The following GRIK2 variants were observed in gnomAD, a reference collection of about 807,000 sequenced individuals.
GRIK2 encodes the protein glutamate receptor ionotropic, kainate 2.
A neutral mutation model predicts 100.3 loss-of-function variants in GRIK2; 32 were observed. The observed-to-expected ratio is 0.32, with a 90% CI of 0.24 to 0.43. The LOEUF is 0.43. Among genes scored for constraint, GRIK2 ranks in the 20% least tolerant of loss-of-function variants. The pLI is 1.00. For missense variants in GRIK2, 843 were observed against 1,114.9 expected, an observed-to-expected ratio of 0.76 and a Z score of 3.47; for synonymous variants, 417 against 389.4, an observed-to-expected ratio of 1.07 and a Z score of -0.83.
intron 4 of GRIK2, among the ~76,000 whole-genome samples, chr6:101,663,381 A>T (rs1049440084): frequency 2.6e-5 from 4 of 152,136 alleles, no homozygotes; most frequent in Admixed American, 2.6e-4. Flanking sequence ...ACAGGCGTAC[A>T]TCTGAACAGG....
rs183047825 is a variant in GRIK2 at position 101,710,407 on chromosome 6, G to A, written c.951+24054G>A. Among the ~76,000 whole-genome samples, 183 of 151,946 alleles carry A rather than the reference G, an allele frequency of 1.2e-3. 1 individual carries two copies. The highest frequency in any genetic ancestry group is 4.3e-3 in the African/African-American group (178 of 41,500). Reference sequence around the variant, plus strand: ...GTATACCTCAAAAGGTGATTGTGAAGATCAAATGTGACCATGTTTATGCAA... The same window carrying A: ...GTATACCTCAAAAGGTGATTGTGAAAATCAAATGTGACCATGTTTATGCAA... On this transcript the variant is annotated intron_variant, in intron 7 of 16. Coordinates refer to ENST00000369134, the MANE Select transcript of GRIK2 (RefSeq NM_021956.5).
chr6:101,975,781 GTCTGTCTGTCTGTCTATCTATCTA>G (rs1410393930), intron 14 of GRIK2, among the ~76,000 whole-genome samples: 9 of 110,962 alleles, frequency 8.1e-5, no homozygotes, highest in African/African-American at 3.7e-4. Flanking sequence ...GTGTCTATCT[GTCTGTCTGTCTGTCTATCTATCTA>G]TCTGTCTATC....
chr6:101,596,937 C>T (rs772479154), intron 2 of GRIK2, among the ~76,000 whole-genome samples: 2 of 151,832 alleles, frequency 1.3e-5, no homozygotes, highest in Non-Finnish European at 2.9e-5. Flanking sequence ...GACACATGCA[C>T]TTATATGTTA....
At chr6:101,612,924 A>C (rs1312510492) in intron 2 of GRIK2, among the ~76,000 whole-genome samples, 1 of 151,728 alleles carries the variant, frequency 6.6e-6, no homozygotes, top group Non-Finnish European at 1.5e-5. Context: ...GGAAGGTAGA[A>C]GACAAATTAT....
chr6:101,839,147 T>C (rs746753902), intron 10 of GRIK2, among the ~76,000 whole-genome samples: 24 of 152,162 alleles, frequency 1.6e-4, no homozygotes, highest in Admixed American at 2.6e-4. Flanking sequence ...GCCTACAAAC[T>C]TTTAGCAAGA....
chr6:101,426,385 T>C (rs1776698637), intron 2 of GRIK2, among the ~76,000 whole-genome samples: 1 of 152,182 alleles, frequency 6.6e-6, no homozygotes, highest in Non-Finnish European at 1.5e-5. Flanking sequence ...TTCTTAATTA[T>C]AGTCACCCTG....
At chr6:101,634,325 G>C (rs1780904987) in intron 4 of GRIK2, among the ~76,000 whole-genome samples, 1 of 152,036 alleles carries the variant, frequency 6.6e-6, no homozygotes, top group African/African-American at 2.4e-5. Context: ...CCTAGTTGGG[G>C]ATACTAATCA....
In GRIK2 at chr6:102,055,457, T is replaced by C; in HGVS notation, c.2439T>C (p.Ser813=). 1.9e-6 allele frequency: 3 copies of C among 1,613,860 alleles called. No homozygotes were observed. The highest frequency in any genetic ancestry group is 2.5e-6 in the Non-Finnish European group (3 of 1,179,848). ...CAGAAGAGGAGAGCAAAGAGGCCAG[T>C]GCCCTGGGGGTTCAGAATATTGGTG... ...GCPEEESKEA[S]ALGVQNIGGI... Residue 813 remains serine (S), a synonymous_variant, in exon 16 of 17, where the codon AGT becomes AGC. Coordinates refer to ENST00000369134, the MANE Select transcript of GRIK2 (RefSeq NM_021956.5).
chr6:101,543,119 C>A (rs1457129547), intron 2 of GRIK2, among the ~76,000 whole-genome samples: 1 of 152,044 alleles, frequency 6.6e-6, no homozygotes, highest in Non-Finnish European at 1.5e-5. Context: ...AAAGGACAAA[C>A]CCAGAAAATG....
intron 6 of GRIK2, among the ~76,000 whole-genome samples, chr6:101,683,729 A>G (rs1582953964): frequency 6.6e-6 from 1 of 152,316 alleles, no homozygotes; most frequent in East Asian, 1.9e-4. Flanking sequence ...ATTACTGTAT[A>G]CTGTAAAACA....
At chr6:101,935,946 C>G (rs1166817433) in intron 14 of GRIK2, among the ~76,000 whole-genome samples, 1 of 152,026 alleles carries the variant, frequency 6.6e-6, no homozygotes, top group Admixed American at 6.6e-5. Context: ...AAGCCAAAAA[C>G]TATTCTTGCC....
chr6:101,461,724 C>T (rs1001763386), intron 2 of GRIK2, among the ~76,000 whole-genome samples: 1 of 152,078 alleles, frequency 6.6e-6, no homozygotes, highest in African/African-American at 2.4e-5. Flanking sequence ...ATTTTTCTGC[C>T]TACCCCAGGC....
intron 15 of GRIK2, among the ~76,000 whole-genome samples, chr6:102,053,719 A>G (rs913649986): frequency 1.3e-5 from 2 of 152,118 alleles, no homozygotes; most frequent in Admixed American, 1.3e-4. Flanking sequence ...GGATGGATGG[A>G]TAAATGGATG....
chr6:102,004,510 T>C (rs1286502358), intron 14 of GRIK2, among the ~76,000 whole-genome samples: 1 of 151,904 alleles, frequency 6.6e-6, no homozygotes, highest in East Asian at 1.9e-4. Flanking sequence ...TTTGAAAATG[T>C]TTCTATACCT....
chr6:101,914,952 A>G (rs930799104), intron 12 of GRIK2, among the ~76,000 whole-genome samples: 4 of 151,564 alleles, frequency 2.6e-5, no homozygotes, highest in Admixed American at 1.3e-4. Flanking sequence ...TCACCATATC[A>G]TTTTACATTA....
At position 101,924,601 on chromosome 6, in the gene GRIK2, G is replaced by A. The variant is rs1789768038; in HGVS notation, c.1749G>A (p.Arg583=). ...TTCTTTTTTCTGTCAATTACCACAG[G>A]TTTAGTCCTTATGAGTGGTATAATC... The part of the protein sequence containing the change: ...GVSCVLFVIA[R]FSPYEWYNPH... Residue 583 remains arginine (R), a splice_region_variant and synonymous_variant, in exon 13 of 17, where the codon AGG becomes AGA. Coordinates refer to ENST00000369134, the MANE Select transcript of GRIK2 (RefSeq NM_021956.5). 6.8e-7 allele frequency: 1 copy of A among 1,470,770 alleles called. No homozygotes were observed. The highest frequency in any genetic ancestry group is 1.4e-5 in the African/African-American group (1 of 72,234). The allele number at this position is 1,470,770 out of a possible 1,614,324, so 91.1% of individuals were successfully genotyped here.
At chr6:101,877,141 A>C (rs1582437645) in intron 11 of GRIK2, among the ~76,000 whole-genome samples, 1 of 151,942 alleles carries the variant, frequency 6.6e-6, no homozygotes, top group Non-Finnish European at 1.5e-5. Context: ...AGACGAACAC[A>C]CACACACATA....
At chr6:101,626,953 C>T (rs549381100) in intron 4 of GRIK2, among the ~76,000 whole-genome samples, 10 of 151,772 alleles carry the variant, frequency 6.6e-5, no homozygotes, top group African/African-American at 9.7e-5. Flanking sequence ...TACACACACA[C>T]GTACACATAC....
chr6:102,039,864 G>T (rs1562130995), intron 15 of GRIK2, among the ~76,000 whole-genome samples: 1 of 151,450 alleles, frequency 6.6e-6, no homozygotes, highest in Non-Finnish European at 1.5e-5. Context: ...TCTATGTTTA[G>T]CAATGAGTTA....
Sources: gnomAD v4.1 joint callset for allele counts (sites outside exome capture counted in the v4.1 genomes callset) on GRCh38, gnomAD v4.1.1 for gene constraint, MANE v1.5 for transcripts, NCBI Gene and HGNC (gene_info 2026-07-23, HGNC 2026-07-21) for gene names.